The following SH3GL3 variants were observed in gnomAD, a reference collection of about 807,000 sequenced individuals.
SH3GL3 encodes the protein SH3 domain containing GRB2 like 3, endophilin A3.
A neutral mutation model predicts 47.7 loss-of-function variants in SH3GL3; 33 were observed. The ratio of observed to expected loss-of-function variants is 0.69; its 90% confidence interval spans 0.52 to 0.92. The LOEUF (loss-of-function observed/expected upper bound fraction) is 0.92, where lower values mean the gene tolerates loss of function less well. Among genes scored for constraint, SH3GL3 ranks in the 40% least tolerant of loss-of-function variants. The pLI is 0.00. For missense variants in SH3GL3, 363 were observed against 417.8 expected (o/e 0.87, Z 1.14); for synonymous variants, 155 against 148.8 (o/e 1.04, Z -0.30).
intron 8 of SH3GL3, among the ~76,000 whole-genome samples, chr15:83,613,620 AATCT>A (rs71453208): frequency 0.49 from 71,254 of 146,646 alleles, 17,117 homozygotes; most frequent in Non-Finnish European, 0.5. Context: ...GAAATATATA[AATCT>A]ATCTATCTAT....
At chr15:83,627,763 G>T in the SH3GL3 span, among the ~76,000 whole-genome samples, 1 of 152,198 alleles carries the variant, frequency 6.6e-6, no homozygotes, top group Non-Finnish European at 1.5e-5. Flanking sequence ...TGGTGCCTTA[G>T]GCAATATTGG....
At chr15:83,562,030 A>AAAAC in intron 2 of SH3GL3, among the ~76,000 whole-genome samples, 1 of 133,084 alleles carries the variant, frequency 7.5e-6, no homozygotes, top group East Asian at 2.3e-4. Context: ...ACACACACAC[A>AAAAC]ACACACACAC....
At chr15:83,540,653 G>A (rs912687727) in intron 1 of SH3GL3, among the ~76,000 whole-genome samples, 5 of 152,006 alleles carry the variant, frequency 3.3e-5, no homozygotes, top group Admixed American at 3.3e-4. Context: ...GGTACATAGA[G>A]GCGTAAGTAT....
intron 8 of SH3GL3, among the ~76,000 whole-genome samples, chr15:83,617,125 A>AT (rs1719497222): frequency 6.6e-6 from 1 of 152,120 alleles, no homozygotes; most frequent in South Asian, 2.1e-4. Flanking sequence ...GCATACATGT[A>AT]TTTTTTGTTT....
intron 8 of SH3GL3, among the ~76,000 whole-genome samples, chr15:83,611,891 C>T (rs573048777): frequency 7.5e-6 from 1 of 132,664 alleles, no homozygotes; most frequent in East Asian, 3.7e-4. Context: ...GGAAAATTCA[C>T]ACACTGTCCC....
intron 1 of SH3GL3, among the ~76,000 whole-genome samples, chr15:83,476,379 T>C (rs1046573249): frequency 1.3e-5 from 2 of 152,246 alleles, no homozygotes; most frequent in Non-Finnish European, 2.9e-5. Context: ...TCTCTAACCT[T>C]TTCTCCATGA....
intron 7 of SH3GL3, among the ~76,000 whole-genome samples, chr15:83,588,373 A>G (rs2151806757): frequency 6.6e-6 from 1 of 152,200 alleles, no homozygotes; most frequent in Non-Finnish European, 1.5e-5. Context: ...TCAGGTGAGC[A>G]CCTTGGCCTC....
intron 2 of SH3GL3, among the ~76,000 whole-genome samples, chr15:83,562,030 AAC>A (rs55856428): frequency 0.07 from 9,263 of 132,508 alleles, 279 homozygotes; most frequent in East Asian, 0.098. Context: ...ACACACACAC[AAC>A]ACACACACAC....
chr15:83,544,610 T>A (rs1399302621), intron 1 of SH3GL3, among the ~76,000 whole-genome samples: 2 of 152,168 alleles, frequency 1.3e-5, no homozygotes, highest in African/African-American at 4.8e-5. Flanking sequence ...CTTCAGATAA[T>A]TTCTTATTGC....
chr15:83,588,851 G>A, intron 8 of SH3GL3, 80 bp downstream of exon 8: 1 of 778,314 alleles, frequency 1.3e-6, no homozygotes, highest in East Asian at 2.5e-5. Flanking sequence ...TTGTTTCTGG[G>A]TCAGTGAATA....
intron 1 of SH3GL3, among the ~76,000 whole-genome samples, chr15:83,493,743 G>A (rs1257099198): frequency 1.3e-5 from 2 of 148,394 alleles, no homozygotes; most frequent in Admixed American, 1.3e-4. Context: ...ACGTGGTCTC[G>A]ACTGTTAAGT....
At chr15:83,541,406 T>C (rs2044161767) in intron 1 of SH3GL3, among the ~76,000 whole-genome samples, 1 of 131,840 alleles carries the variant, frequency 7.6e-6, no homozygotes, top group Non-Finnish European at 1.6e-5. Flanking sequence ...CGATCTCGGC[T>C]CACTGCAAGC....
intron 3 of SH3GL3, among the ~76,000 whole-genome samples, chr15:83,567,152 A>G (rs771418639): frequency 2.0e-5 from 3 of 152,080 alleles, no homozygotes; most frequent in Non-Finnish European, 2.9e-5. Context: ...TCCCATAGCT[A>G]TCTCCCACTT....
At chr15:83,464,665 C>A (rs575021257) in intron 1 of SH3GL3, among the ~76,000 whole-genome samples, 65 of 152,292 alleles carry the variant, frequency 4.3e-4, no homozygotes, top group African/African-American at 1.5e-3. Flanking sequence ...CTTGACATTT[C>A]TTTCCCTTAT....
At chr15:83,604,807 G>C (rs1567031620) in intron 8 of SH3GL3, among the ~76,000 whole-genome samples, 1 of 152,120 alleles carries the variant, frequency 6.6e-6, no homozygotes, top group Non-Finnish European at 1.5e-5. Flanking sequence ...AGCAGAGCTG[G>C]GTACTTTACC....
At chr15:83,567,862 G>A (rs926360009) in intron 3 of SH3GL3, among the ~76,000 whole-genome samples, 27 of 152,086 alleles carry the variant, frequency 1.8e-4, no homozygotes, top group African/African-American at 6.3e-4. Flanking sequence ...TCACGTGTCA[G>A]CAACTGCAAG....
At chr15:83,616,409 A>G (rs2060818281) in intron 8 of SH3GL3, among the ~76,000 whole-genome samples, 1 of 151,924 alleles carries the variant, frequency 6.6e-6, no homozygotes, top group Non-Finnish European at 1.5e-5. Flanking sequence ...GCCCGCCACC[A>G]CGCCCGGCTA....
At chr15:83,597,969 T>G (rs575339512) in intron 8 of SH3GL3, among the ~76,000 whole-genome samples, 1 of 152,356 alleles carries the variant, frequency 6.6e-6, no homozygotes, top group South Asian at 2.1e-4. Flanking sequence ...TTTGTTGGGA[T>G]CTGGAGTCTA....
At chr15:83,578,534 A>G (rs374323102) in intron 6 of SH3GL3, among the ~76,000 whole-genome samples, 2 of 152,334 alleles carry the variant, frequency 1.3e-5, no homozygotes, top group East Asian at 3.9e-4. Flanking sequence ...ATTATGTCCA[A>G]TACTAACAAG....
Sources: gnomAD v4.1 joint callset for allele counts (sites outside exome capture counted in the v4.1 genomes callset) on GRCh38, gnomAD v4.1.1 for gene constraint, MANE v1.5 for transcripts, NCBI Gene and HGNC (gene_info 2026-07-23, HGNC 2026-07-21) for gene names.